PRRC2C: variants seen among roughly 807,000 people sequenced by gnomAD.
PRRC2C encodes proline rich coiled-coil 2C.
Under a neutral mutation model 317.2 loss-of-function variants are expected in PRRC2C, and 72 were observed. The ratio of observed to expected loss-of-function variants is 0.23; its 90% CI spans 0.19 to 0.28. The LOEUF is 0.28. Ranked by LOEUF, PRRC2C falls within the 10% of genes least tolerant of loss-of-function variation. The probability of loss-of-function intolerance (pLI) is 1.00; values close to 1 mark genes in which losing one functional copy is unlikely to be tolerated. For synonymous variants in PRRC2C, 1,296 were observed against 1,205.9 expected (o/e 1.07, Z -1.55); for missense variants, 3,074 against 3,459.7 (o/e 0.89, Z 2.80).
intron 11 of PRRC2C, 49 bp downstream of exon 11, chr1:171,527,893 T>A: frequency 6.7e-7 from 1 of 1,488,144 alleles, no homozygotes; most frequent in Non-Finnish European, 9.1e-7. Flanking sequence ...TTTGACCTTT[T>A]GTTTTGGTGG....
At chr1:171,574,674 G>A (rs1293468290) in intron 24 of PRRC2C, among the ~76,000 whole-genome samples, 4 of 152,128 alleles carry the variant, frequency 2.6e-5, no homozygotes, top group African/African-American at 9.7e-5. Context: ...TTATTCACTG[G>A]TAGGGATAAG....
chr1:171,566,966 C>A, intron 22 of PRRC2C, 123 bp downstream of exon 22: 4 of 1,079,704 alleles, frequency 3.7e-6, no homozygotes, highest in African/African-American at 1.6e-5. Context: ...AGATTATTTC[C>A]GCAAAGAAGA....
Position 171,541,622 on chromosome 1 carries a change from A to G in PRRC2C, c.4156A>G (p.Lys1386Glu). 1 of 1,613,810 alleles carries G rather than the reference A, an allele frequency of 6.2e-7. No individual in the cohort carries two copies. The highest frequency in any genetic ancestry group is 8.5e-7 in the Non-Finnish European group (1 of 1,179,870). The change falls in exon 16 of 35, where the codon AAA (lysine) becomes GAA (glutamate). Residue 1386 changes from lysine to glutamate, a missense_variant. Lys to Glu is a moderately conservative substitution (Grantham distance 56, BLOSUM62 1). Coordinates refer to ENST00000647382, the MANE Select transcript of PRRC2C (RefSeq NM_001387844.1). The surrounding 1 kb of genome is among the most constrained non-coding windows in gnomAD (Gnocchi z 4.1). The stretch of plus-strand genomic sequence containing the variant: ...GAACCCAAGGCAGTCAGAAGTTCCT[A>G]AACCAGAAGATGGAGAGCCGCCAAG... ...QWNPRQSEVP[K>E]PEDGEPPRRH...
intron 18 of PRRC2C, among the ~76,000 whole-genome samples, chr1:171,550,995 G>A (rs536592820): frequency 4.7e-4 from 71 of 152,234 alleles, no homozygotes; most frequent in Non-Finnish European, 8.5e-4. Flanking sequence ...TAATGGGATC[G>A]CTGGGGCAAA....
intron 11 of PRRC2C, among the ~76,000 whole-genome samples, chr1:171,530,103 G>A (rs958618932): frequency 5.9e-5 from 9 of 152,086 alleles, no homozygotes; most frequent in Non-Finnish European, 1.0e-4. Flanking sequence ...AGTTTTCTTC[G>A]ATAAATAAGA....
chr1:171,498,965 A>G (rs1031461191), intron 1 of PRRC2C, among the ~76,000 whole-genome samples: 1 of 151,944 alleles, frequency 6.6e-6, no homozygotes, highest in East Asian at 1.9e-4. Flanking sequence ...ACTCTACCAT[A>G]CCTGGCCAAT....
At chr1:171,569,575 A>AATATATATATATATATATAT (rs60832207) in intron 23 of PRRC2C, among the ~76,000 whole-genome samples, 773 of 59,978 alleles carry the variant, frequency 0.013, 63 homozygotes, top group Non-Finnish European at 0.016. Flanking sequence ...AAGTGGTTTA[A>AATATATATATATATATATAT]ATATATATAT....
chr1:171,525,181 T>C (rs1222722912), intron 10 of PRRC2C, among the ~76,000 whole-genome samples: 5 of 152,204 alleles, frequency 3.3e-5, no homozygotes, highest in Non-Finnish European at 7.4e-5. Flanking sequence ...AAGTGAAAAC[T>C]AAAGCTTCAC....
chr1:171,570,069 A>G (rs916513086), intron 23 of PRRC2C, among the ~76,000 whole-genome samples: 1 of 152,142 alleles, frequency 6.6e-6, no homozygotes, highest in Non-Finnish European at 1.5e-5. Context: ...TAGCCAGGGT[A>G]TGTTTGAAAG....
chr1:171,494,086 G>A (rs188852328), intron 1 of PRRC2C, among the ~76,000 whole-genome samples: 111 of 152,332 alleles, frequency 7.3e-4, no homozygotes, highest in African/African-American at 2.7e-3. Context: ...AAGAGAAACA[G>A]TTGTGTAATT....
At chr1:171,562,338 G>A (rs1682866204) in intron 20 of PRRC2C, among the ~76,000 whole-genome samples, 1 of 152,198 alleles carries the variant, frequency 6.6e-6, no homozygotes, top group African/African-American at 2.4e-5. Context: ...TGAGTAGCAG[G>A]TGGATCCTGT....
chr1:171,512,561 G>A (rs71637415), intron 2 of PRRC2C: 18 of 270,852 alleles, frequency 6.6e-5, no homozygotes, highest in African/African-American at 2.2e-4. Flanking sequence ...CTTATGTTTC[G>A]TGTGTGGGGG....
chr1:171,551,543 A>G (rs1260335129), intron 18 of PRRC2C, among the ~76,000 whole-genome samples: 1 of 152,152 alleles, frequency 6.6e-6, no homozygotes, highest in Non-Finnish European at 1.5e-5. Flanking sequence ...TCCCATGCCT[A>G]TATCCTGAAT....
intron 1 of PRRC2C, among the ~76,000 whole-genome samples, chr1:171,503,133 T>A (rs1256188412): frequency 6.6e-6 from 1 of 152,220 alleles, no homozygotes; most frequent in Non-Finnish European, 1.5e-5. Context: ...TAGGTTCCCA[T>A]GCAGGTGCAC....
chr1:171,513,341 A>G, intron 3 of PRRC2C, 169 bp downstream of exon 3: 1 of 803,448 alleles, frequency 1.2e-6, no homozygotes, highest in Non-Finnish European at 2.0e-6. Context: ...TTTCCCTATT[A>G]AAAGTATTTC....
chr1:171,568,184 A>G, intron 22 of PRRC2C, 63 bp from the exon 23 acceptor site: 3 of 1,498,328 alleles, frequency 2.0e-6, no homozygotes, highest in Non-Finnish European at 2.7e-6. Flanking sequence ...CTCAAAAAAA[A>G]GAGGAAGAAG....
At chr1:171,571,013 AT>A (rs1223334676) in intron 23 of PRRC2C, among the ~76,000 whole-genome samples, 1 of 152,170 alleles carries the variant, frequency 6.6e-6, no homozygotes, top group Non-Finnish European at 1.5e-5. Flanking sequence ...TCCTCAGGTG[AT>A]TTATGTACAT....
At chr1:171,526,232 G>A (rs1414181721) in intron 10 of PRRC2C, among the ~76,000 whole-genome samples, 1 of 151,992 alleles carries the variant, frequency 6.6e-6, no homozygotes, top group South Asian at 2.1e-4. Flanking sequence ...TTTTTAGTTT[G>A]CCACTAGAAA....
Position 171,515,734 on chromosome 1 carries a change from G to C in PRRC2C, c.401G>C (p.Gly134Ala). Residue 134 changes from glycine (G) to alanine (A), a missense_variant and splice_region_variant, in exon 5 of 35, where the codon GGA (glycine) becomes GCA (alanine). Around this residue, in one of 11 missense-constraint regions of PRRC2C, gnomAD observed 237 missense variants for 199.5 expected, o/e 1.19. Transcript: ENST00000647382. ...AATGTTTTTTTAAAAAAATCTATAG[G>C]AATCCAAGTGAATAGTCAGTTTCAG... ...ASNKQGGQGD[G>A]IQVNSQFQQE... The C allele has an allele frequency of 1.3e-6, 2 of 1,593,218 alleles. No homozygotes were observed. Among genetic ancestry groups the C allele is most frequent in the Non-Finnish European group, 1.7e-6 (2 of 1,171,432 alleles).
Sources: allele counts gnomAD v4.1 joint callset (sites outside exome capture counted in the v4.1 genomes callset), GRCh38; gene constraint gnomAD v4.1.1; regional missense constraint gnomAD v4.1.1; non-coding constraint Gnocchi (gnomAD v3.1); transcripts MANE v1.5; gene names NCBI Gene and HGNC (gene_info 2026-07-23, HGNC 2026-07-21).